The following MEI4 variants were observed in gnomAD, a reference collection of about 807,000 sequenced individuals.
The protein encoded by MEI4 is meiosis-specific protein MEI4.
A neutral mutation model predicts 31.4 loss-of-function variants in MEI4; 27 were observed. That is an observed-to-expected ratio of 0.86 (90% CI 0.63 to 1.19). MEI4 has a LOEUF of 1.19. Ranked by LOEUF, MEI4 falls within the 50% of genes most tolerant of loss-of-function variation. MEI4 has a pLI of 0.00. For missense variants in MEI4, 329 were observed against 398.9 expected, an observed-to-expected ratio of 0.82 and a Z score of 1.49; for synonymous variants, 122 against 145.4, an observed-to-expected ratio of 0.84 and a Z score of 1.16.
intron 1 of MEI4, among the ~76,000 whole-genome samples, chr6:77,657,827 C>T (rs1768425712): frequency 6.6e-6 from 1 of 152,198 alleles, no homozygotes; most frequent in Admixed American, 6.5e-5. Flanking sequence ...TGCTCTTTTG[C>T]CCTGCTTTTG....
intron 2 of MEI4, among the ~76,000 whole-genome samples, chr6:77,734,021 A>G (rs1008350974): frequency 6.6e-6 from 1 of 151,926 alleles, no homozygotes; most frequent in Non-Finnish European, 1.5e-5. Context: ...TTTCTTTTAC[A>G]CTTGCTGAGG....
chr6:77,884,794 T>C (rs1771581173), intron 4 of MEI4, among the ~76,000 whole-genome samples: 1 of 152,246 alleles, frequency 6.6e-6, no homozygotes, highest in Admixed American at 6.5e-5. Flanking sequence ...GTGTGATGCT[T>C]CCAGCTTTGT....
intron 3 of MEI4, among the ~76,000 whole-genome samples, chr6:77,769,224 T>C (rs1768248128): frequency 6.6e-6 from 1 of 152,186 alleles, no homozygotes; most frequent in South Asian, 2.1e-4. Context: ...ATTATGGGAC[T>C]TTGCTTTGCA....
chr6:77,769,720 G>T (rs1032585095), intron 3 of MEI4, among the ~76,000 whole-genome samples: 5 of 152,096 alleles, frequency 3.3e-5, no homozygotes, highest in African/African-American at 1.2e-4. Context: ...CCTAGCTCCT[G>T]GATGACATTT....
chr6:77,706,247 AC>A (rs1766331230), intron 2 of MEI4, among the ~76,000 whole-genome samples: 1 of 152,134 alleles, frequency 6.6e-6, no homozygotes, highest in African/African-American at 2.4e-5. Flanking sequence ...TCTCTGACCT[AC>A]CTTATCTGAA....
intron 4 of MEI4, among the ~76,000 whole-genome samples, chr6:77,829,553 A>G (rs1770030187): frequency 6.6e-6 from 1 of 152,176 alleles, no homozygotes. Flanking sequence ...TACTGGTATT[A>G]TTAGAGCACT....
At chr6:77,879,351 T>C (rs1771424799) in intron 4 of MEI4, among the ~76,000 whole-genome samples, 1 of 152,140 alleles carries the variant, frequency 6.6e-6, no homozygotes. Flanking sequence ...GTTTTAGAAT[T>C]CTCTTGTATT....
intron 2 of MEI4, among the ~76,000 whole-genome samples, chr6:77,697,924 G>A (rs192539207): frequency 1.3e-5 from 2 of 152,194 alleles, no homozygotes; most frequent in African/African-American, 4.8e-5. Context: ...GGTCACTCAG[G>A]ACTTGCTTTA....
At chr6:77,762,852 A>G (rs1768076155) in intron 3 of MEI4, among the ~76,000 whole-genome samples, 1 of 152,208 alleles carries the variant, frequency 6.6e-6, no homozygotes. Flanking sequence ...CAGGAATTAA[A>G]TATCAGATTT....
At chr6:77,785,907 C>T (rs941036307) in intron 3 of MEI4, among the ~76,000 whole-genome samples, 15 of 152,062 alleles carry the variant, frequency 9.9e-5, no homozygotes, top group Non-Finnish European at 1.5e-4. Flanking sequence ...ACCTAGATTG[C>T]TCCCATCAGA....
intron 2 of MEI4, among the ~76,000 whole-genome samples, chr6:77,730,012 A>G (rs1398215421): frequency 6.6e-6 from 1 of 152,086 alleles, no homozygotes; most frequent in African/African-American, 2.4e-5. Context: ...CTCTGTGGCC[A>G]AGAGCTGAGG....
At chr6:77,793,181 C>T (rs1020193648) in intron 3 of MEI4, among the ~76,000 whole-genome samples, 2 of 152,024 alleles carry the variant, frequency 1.3e-5, no homozygotes, top group Admixed American at 6.6e-5. Context: ...TACAAGTAAA[C>T]CTCCATAAGG....
intron 4 of MEI4, among the ~76,000 whole-genome samples, chr6:77,861,339 C>T (rs190917404): frequency 6.6e-6 from 1 of 152,292 alleles, no homozygotes; most frequent in East Asian, 1.9e-4. Context: ...TAAAGTTTGT[C>T]TATAAAATTG....
chr6:77,697,346 T>C (rs529853867), intron 2 of MEI4, among the ~76,000 whole-genome samples: 1,549 of 152,264 alleles, frequency 0.01, 10 homozygotes, highest in Non-Finnish European at 0.017. Context: ...CTTGTTCTTT[T>C]AATTGTGATG....
chr6:77,827,900 T>C (rs1769993729), intron 3 of MEI4, among the ~76,000 whole-genome samples: 1 of 152,176 alleles, frequency 6.6e-6, no homozygotes, highest in African/African-American at 2.4e-5. Flanking sequence ...TTCATAGCTA[T>C]ACTATGGAAG....
intron 3 of MEI4, among the ~76,000 whole-genome samples, chr6:77,826,848 C>T (rs1005206063): frequency 6.6e-6 from 1 of 152,138 alleles, no homozygotes; most frequent in African/African-American, 2.4e-5. Context: ...CTCCAAGTTC[C>T]TCCTATCTTC....
chr6:77,798,318 CAATT>C (rs917620660), intron 3 of MEI4, among the ~76,000 whole-genome samples: 44 of 151,102 alleles, frequency 2.9e-4, no homozygotes, highest in South Asian at 8.3e-4. Flanking sequence ...ATTATTCAAA[CAATT>C]AAATACTTAT....
chr6:77,817,713 C>A (rs1182997516), intron 3 of MEI4, among the ~76,000 whole-genome samples: 1 of 151,696 alleles, frequency 6.6e-6, no homozygotes, highest in East Asian at 1.9e-4. Flanking sequence ...TATAAAATAT[C>A]ATTTAAAAAA....
At chr6:77,669,231 G>T (rs1768693230) in intron 1 of MEI4, among the ~76,000 whole-genome samples, 1 of 152,146 alleles carries the variant, frequency 6.6e-6, no homozygotes, top group Admixed American at 6.5e-5. Flanking sequence ...GTGTGTGTGT[G>T]TGTGCGTACA....
Sources: gnomAD v4.1 joint callset for allele counts (sites outside exome capture counted in the v4.1 genomes callset) on GRCh38, gnomAD v4.1.1 for gene constraint, MANE v1.5 for transcripts, NCBI Gene and HGNC (gene_info 2026-07-23, HGNC 2026-07-21) for gene names.